ITPR1: variants seen among roughly 807,000 people sequenced by gnomAD.
ITPR1 encodes inositol 1,4,5-trisphosphate-gated calcium channel ITPR1.
Under a neutral mutation model 318.4 loss-of-function variants are expected in ITPR1, and 96 were observed. The ratio of observed to expected loss-of-function variants is 0.30; its 90% CI spans 0.26 to 0.36. ITPR1 has a LOEUF of 0.36. ITPR1 is among the 10% of genes least tolerant of loss of function. The probability of loss-of-function intolerance (pLI) is 1.00; values close to 1 mark genes in which losing one functional copy is unlikely to be tolerated. For missense variants in ITPR1, 2,440 were observed against 3,460.2 expected, an observed-to-expected ratio of 0.71 and a Z score of 7.40; for synonymous variants, 1,312 against 1,289.9, an observed-to-expected ratio of 1.02 and a Z score of -0.37.
chr3:4,706,066 G>A (rs1408553386), intron 36 of ITPR1, 101 bp from the exon 37 acceptor site: 2 of 1,221,374 alleles, frequency 1.6e-6, no homozygotes, highest in African/African-American at 1.5e-5. Context: ...GCCCATTCTG[G>A]GTGTGAAAAA....
At chr3:4,588,315 G>A (rs1385762015) in intron 4 of ITPR1, among the ~76,000 whole-genome samples, 1 of 151,598 alleles carries the variant, frequency 6.6e-6, no homozygotes. Flanking sequence ...TTCTTTGAGT[G>A]TACTTACGTA....
chr3:4,706,077 C>T, intron 36 of ITPR1, 90 bp from the exon 37 acceptor site: 2 of 1,414,734 alleles, frequency 1.4e-6, no homozygotes, highest in Non-Finnish European at 2.0e-6. Context: ...GTGTGAAAAA[C>T]CTGCTGGATG....
In ITPR1 at chr3:4,710,818, C is replaced by G. The variant is rs748856591; in HGVS notation, c.4991+345C>G. Among the ~76,000 whole-genome samples the G allele has an allele frequency of 2.6e-5, 4 of 152,166 alleles. No individual in the cohort carries two copies. Among genetic ancestry groups the G allele is most frequent in the Non-Finnish European group, 4.4e-5 (3 of 68,030 alleles). ...CTCAGAAATCTCAGATCTATCGTGA[C>G]CTCACCATCTTTTCCTAATAATTTT... is the stretch of plus-strand genomic sequence containing the variant. On this transcript the variant is annotated intron_variant, in intron 38 of 61. Coordinates refer to ENST00000649015, the MANE Select transcript of ITPR1 (RefSeq NM_001378452.1). The surrounding 1 kb of genome is among the most constrained non-coding windows in gnomAD (Gnocchi z 4.2).
chr3:4,808,684 C>CT (rs2048742567), intron 55 of ITPR1, among the ~76,000 whole-genome samples: 1 of 152,192 alleles, frequency 6.6e-6, no homozygotes, highest in African/African-American at 2.4e-5. Flanking sequence ...AACACTGACA[C>CT]TTCAAATTAT....
chr3:4,631,913 G>A (rs894123453), intron 5 of ITPR1, among the ~76,000 whole-genome samples: 9 of 152,254 alleles, frequency 5.9e-5, no homozygotes, highest in Admixed American at 1.3e-4. Flanking sequence ...TAGCCTCCCA[G>A]AGTGCTAGGA....
At chr3:4,501,803 G>A (rs2081043066) in intron 2 of ITPR1, among the ~76,000 whole-genome samples, 1 of 152,190 alleles carries the variant, frequency 6.6e-6, no homozygotes, top group Admixed American at 6.5e-5. Context: ...AGACCAGAAG[G>A]CACATGTACC....
chr3:4,613,681 T>C (rs2092264457), intron 4 of ITPR1, among the ~76,000 whole-genome samples: 2 of 152,152 alleles, frequency 1.3e-5, no homozygotes, highest in Non-Finnish European at 2.9e-5. Context: ...GCAGTGCAAA[T>C]TGGACATTGT....
intron 4 of ITPR1, among the ~76,000 whole-genome samples, chr3:4,610,034 C>G (rs193135206): frequency 6.6e-6 from 1 of 152,232 alleles, no homozygotes; most frequent in Non-Finnish European, 1.5e-5. Context: ...TGGGCTGTAT[C>G]AAGAAGTCTG....
rs1575922743 is a variant in ITPR1 at position 4,653,716 on chromosome 3, C to T, written c.952-126C>T. The T allele has an allele frequency of 4.7e-6, 3 of 644,882 alleles. No individual in the cohort carries two copies. In the East Asian group the frequency reaches 8.4e-5, roughly 18 times the overall value. The allele number at this position is 644,882 out of a possible 1,614,324, so 39.9% of individuals were successfully genotyped here. On this transcript the variant is annotated intron_variant, in intron 11 of 61. Coordinates refer to ENST00000649015, the MANE Select transcript of ITPR1 (RefSeq NM_001378452.1). ...TGTCGTGGCATGCTGGTTTTGTGAA[C>T]AGAGGGAATGGACAAGTTCTTAGCT...
At chr3:4,499,067 T>C (rs1455742699) in intron 2 of ITPR1, among the ~76,000 whole-genome samples, 1 of 152,182 alleles carries the variant, frequency 6.6e-6, no homozygotes, top group Non-Finnish European at 1.5e-5. Context: ...GGCAGGAGAA[T>C]TACTTGAGCC....
chr3:4,788,651 T>C (rs1163153391), intron 52 of ITPR1, among the ~76,000 whole-genome samples: 1 of 152,204 alleles, frequency 6.6e-6, no homozygotes, highest in African/African-American at 2.4e-5. Flanking sequence ...GCGAGTCCCA[T>C]TGAGTATCCC....
chr3:4,834,509 A>G (rs1198860475), intron 60 of ITPR1, among the ~76,000 whole-genome samples: 1 of 152,164 alleles, frequency 6.6e-6, no homozygotes, highest in Non-Finnish European at 1.5e-5. Context: ...TGGCTTCAGC[A>G]GCCCAGCCCA....
chr3:4,504,294 G>T lies in ITPR1; in HGVS notation c.-17+9788G>T, dbSNP rs2081247773. Among the ~76,000 whole-genome samples, 3 of 152,186 alleles carry T rather than the reference G, an allele frequency of 2.0e-5. No individual in the cohort carries two copies. The South Asian group carries it at 6.2e-4, about 32-fold the overall frequency. On this transcript the variant is annotated intron_variant, in intron 2 of 61. Coordinates refer to ENST00000649015, the MANE Select transcript of ITPR1 (RefSeq NM_001378452.1). The stretch of plus-strand genomic sequence containing the variant: ...AGTAGGTTTATTTTTGTGTGTGTAT[G>T]TGTGTTGCGGCGGGGGGAATGGAGA...
intron 4 of ITPR1, among the ~76,000 whole-genome samples, chr3:4,576,960 C>A (rs894214315): frequency 6.6e-6 from 1 of 152,182 alleles, no homozygotes; most frequent in African/African-American, 2.4e-5. Flanking sequence ...TCTAAACACC[C>A]AGTCCTGGGC....
At chr3:4,828,380 G>A (rs1331658575) in intron 60 of ITPR1, among the ~76,000 whole-genome samples, 1 of 152,240 alleles carries the variant, frequency 6.6e-6, no homozygotes, top group African/African-American at 2.4e-5. Flanking sequence ...TAAGCGAGAT[G>A]TCATAAGCCA....
chr3:4,735,476 C>T, intron 44 of ITPR1, 122 bp downstream of exon 44: 2 of 753,650 alleles, frequency 2.7e-6, no homozygotes, highest in South Asian at 3.4e-5. Context: ...TCTGAGGGCA[C>T]AAAATTCTGT....
At chr3:4,816,324 CTGA>C (rs1559947307) in intron 59 of ITPR1, 1 of 152,212 alleles carries the variant, frequency 6.6e-6, no homozygotes, top group African/African-American at 2.4e-5. Context: ...TTGAGTTTGT[CTGA>C]TGTTTGCTCA....
chr3:4,545,801 G>A (rs2124986218), intron 4 of ITPR1, among the ~76,000 whole-genome samples: 1 of 149,926 alleles, frequency 6.7e-6, no homozygotes, highest in Non-Finnish European at 1.5e-5. Flanking sequence ...GGGCTCAAGT[G>A]ATTCTCCCGC....
At chr3:4,637,163 A>T (rs1337846309) in intron 5 of ITPR1, among the ~76,000 whole-genome samples, 1 of 152,212 alleles carries the variant, frequency 6.6e-6, no homozygotes, top group Non-Finnish European at 1.5e-5. Flanking sequence ...CCATATTTGC[A>T]TGTTGGAAAA....
Sources: gnomAD v4.1 joint callset for allele counts (sites outside exome capture counted in the v4.1 genomes callset) on GRCh38, gnomAD v4.1.1 for gene constraint, Gnocchi (gnomAD v3.1) non-coding constraint, MANE v1.5 for transcripts, NCBI Gene and HGNC (gene_info 2026-07-23, HGNC 2026-07-21) for gene names.